The following SNX18 variants were observed in gnomAD, a reference collection of about 807,000 sequenced individuals.
SNX18 encodes the protein sorting nexin-18.
Under a neutral mutation model 48.7 loss-of-function variants are expected in SNX18, and 35 were observed. The ratio of observed to expected loss-of-function variants is 0.72; its 90% CI spans 0.55 to 0.95. The LOEUF is 0.95. Among genes scored for constraint, SNX18 ranks in the 40% least tolerant of loss-of-function variants. SNX18 has a pLI of 0.00. For missense variants in SNX18, 824 were observed against 871.0 expected (o/e 0.95, Z 0.68); for synonymous variants, 492 against 384.7 (o/e 1.28, Z -3.26).
the SNX18 span, among the ~76,000 whole-genome samples, chr5:54,603,235 TA>T: frequency 6.7e-6 from 1 of 148,542 alleles, no homozygotes; most frequent in Admixed American, 6.7e-5. Flanking sequence ...TTTAAAAATA[TA>T]TATATATATA....
chr5:54,589,235 G>C, the SNX18 span, among the ~76,000 whole-genome samples: 2,938 of 152,144 alleles, frequency 0.019, 91 homozygotes, highest in African/African-American at 0.068. Context: ...CTTCTGCCTA[G>C]TAATTTGTTC....
At chr5:54,549,963 A>T (rs1235516123), downstream of SNX18, among the ~76,000 whole-genome samples, 2 of 152,220 alleles carry the variant, frequency 1.3e-5, no homozygotes. Context: ...AAAAGAATGC[A>T]GAGTCTTAGT....
chr5:54,558,962 A>G, the SNX18 span, among the ~76,000 whole-genome samples: 30 of 152,202 alleles, frequency 2.0e-4, no homozygotes, highest in Middle Eastern at 6.8e-3. Flanking sequence ...TAAAAGAGTG[A>G]CTGTATATTC....
chr5:54,634,575 T>C, the SNX18 span, among the ~76,000 whole-genome samples: 1 of 152,110 alleles, frequency 6.6e-6, no homozygotes, highest in African/African-American at 2.4e-5. Flanking sequence ...TTAATGTATT[T>C]TATGTGTGGC....
chr5:54,595,104 G>T, the SNX18 span, among the ~76,000 whole-genome samples: 1 of 152,082 alleles, frequency 6.6e-6, no homozygotes, highest in African/African-American at 2.4e-5. Context: ...CCATGTCTTT[G>T]CTATTATGAA....
chr5:54,599,036 C>T, the SNX18 span, among the ~76,000 whole-genome samples: 1 of 152,178 alleles, frequency 6.6e-6, no homozygotes, highest in Admixed American at 6.5e-5. Flanking sequence ...AGCAAAGTCT[C>T]AGAATAAAAA....
intron 1 of SNX18, among the ~76,000 whole-genome samples, chr5:54,537,383 A>C (rs1181820982): frequency 6.6e-5 from 10 of 152,240 alleles, no homozygotes; most frequent in African/African-American, 2.4e-4. Context: ...CTTTCTTTTC[A>C]TAATAAAATC....
chr5:54,646,015 CTGGT>C, the SNX18 span: 3 of 152,160 alleles, frequency 2.0e-5, no homozygotes, highest in Non-Finnish European at 4.4e-5. Flanking sequence ...GTTTGGCCGG[CTGGT>C]TGGGAAACTT....
At chr5:54,634,110 G>A in the SNX18 span, among the ~76,000 whole-genome samples, 2 of 152,138 alleles carry the variant, frequency 1.3e-5, no homozygotes, top group Non-Finnish European at 2.9e-5. Flanking sequence ...TGGTCCTTGG[G>A]AACTAACAAG....
At chr5:54,584,207 C>T in the SNX18 span, among the ~76,000 whole-genome samples, 2 of 150,932 alleles carry the variant, frequency 1.3e-5, no homozygotes, top group East Asian at 3.9e-4. Context: ...TGTGCCAGCA[C>T]ATCTGGTTAA....
At chr5:54,641,383 G>T in the SNX18 span, among the ~76,000 whole-genome samples, 3 of 152,160 alleles carry the variant, frequency 2.0e-5, no homozygotes, top group African/African-American at 7.2e-5. Context: ...GCATTTAAAA[G>T]AGGTCTTTTT....
chr5:54,565,737 T>G, the SNX18 span, among the ~76,000 whole-genome samples: 1 of 152,224 alleles, frequency 6.6e-6, no homozygotes, highest in Non-Finnish European at 1.5e-5. Context: ...CAGTAGGGAC[T>G]TGAATTTGTC....
chr5:54,639,786 C>T, the SNX18 span, among the ~76,000 whole-genome samples: 1 of 148,790 alleles, frequency 6.7e-6, no homozygotes, highest in African/African-American at 2.5e-5. Flanking sequence ...CTCAGAGAAG[C>T]GATTTGCAGA....
At chr5:54,539,852 C>G (rs1762431535) in intron 1 of SNX18, among the ~76,000 whole-genome samples, 2 of 151,934 alleles carry the variant, frequency 1.3e-5, no homozygotes, top group African/African-American at 4.8e-5. Flanking sequence ...TTGTTGTTTT[C>G]TTGTTTTTTG....
chr5:54,527,358 CGG>C lies in SNX18; in HGVS notation c.1621+7795_1621+7796del, dbSNP rs11355195. ...ACAACAGAGGTGGTGGTCGGGGAGC[CGG>C]GGGGGGGGGTCCCCCTCCAGCTATA... is the stretch of plus-strand genomic sequence containing the variant. On this transcript the variant is annotated intron_variant, in intron 1 of 1. Transcript: ENST00000381410. Among the ~76,000 whole-genome samples the C allele has an allele frequency of 1.4e-3, 190 of 140,702 alleles. 2 individuals carry two copies. The highest frequency in any genetic ancestry group is 2.7e-3 in the African/African-American group (104 of 38,796). 92.3% of individuals were successfully genotyped at this position (140,702 alleles called of 152,430 possible).
chr5:54,529,443 C>T (rs980676073), intron 1 of SNX18, among the ~76,000 whole-genome samples: 2 of 152,112 alleles, frequency 1.3e-5, no homozygotes, highest in East Asian at 3.9e-4. Flanking sequence ...GTATAAGTCC[C>T]TACATAATAA....
chr5:54,594,247 T>C, the SNX18 span, among the ~76,000 whole-genome samples: 2 of 152,230 alleles, frequency 1.3e-5, no homozygotes, highest in Non-Finnish European at 2.9e-5. Flanking sequence ...AGCAGATCAG[T>C]CTTTGCATGG....
At chr5:54,640,518 C>T in the SNX18 span, among the ~76,000 whole-genome samples, 1 of 152,180 alleles carries the variant, frequency 6.6e-6, no homozygotes, top group African/African-American at 2.4e-5. Flanking sequence ...GCCACTGTGC[C>T]CGCCAGAGTA....
the SNX18 span, among the ~76,000 whole-genome samples, chr5:54,602,954 G>A: frequency 2.0e-5 from 3 of 152,092 alleles, no homozygotes; most frequent in Non-Finnish European, 4.4e-5. Context: ...CTCCTGGTGT[G>A]TATCGAGCCC....
Sources: allele counts gnomAD v4.1 joint callset (sites outside exome capture counted in the v4.1 genomes callset), GRCh38; gene constraint gnomAD v4.1.1; transcripts MANE v1.5; gene names NCBI Gene and HGNC (gene_info 2026-07-23, HGNC 2026-07-21).